The following SEC23B variants were observed in gnomAD, a reference collection of about 807,000 sequenced individuals.
SEC23B encodes SEC23 homolog B, COPII component.
SEC23B carries 77 observed loss-of-function variants against 104.3 expected under a neutral mutation model. That is an observed-to-expected ratio of 0.74 (90% CI 0.61 to 0.89). SEC23B has a LOEUF of 0.89. Ranked by LOEUF, SEC23B falls within the 40% of genes least tolerant of loss-of-function variation. The pLI is 0.00. For synonymous variants in SEC23B, 338 were observed against 332.5 expected, an observed-to-expected ratio of 1.02 and a Z score of -0.18; for missense variants, 885 against 949.4, an observed-to-expected ratio of 0.93 and a Z score of 0.89.
rs1312286399 is a variant in SEC23B at position 18,554,253 on chromosome 20, A to G, written c.2011A>G (p.Lys671Glu). The G allele has an allele frequency of 1.2e-6, 2 of 1,614,192 alleles. No homozygotes were observed. Among genetic ancestry groups the G allele is most frequent in the Admixed American group, 3.3e-5 (2 of 60,026 alleles). The change falls in exon 18 of 20, where the codon AAA becomes GAA. Residue 671 changes from lysine (K) to glutamate (E), a missense_variant. Physicochemically the swap from Lys to Glu is moderately conservative, Grantham distance 56. Transcript: ENST00000650089. ...YLGETIAQWRKAGYQDMPEYE... is the reference protein window; with the variant it reads ...YLGETIAQWREAGYQDMPEYE... Reference sequence around the variant, plus strand: ...TGTGTAGACCATAGCCCAGTGGCGTAAAGCTGGCTACCAGGACATGCCCGA... The same window carrying G: ...TGTGTAGACCATAGCCCAGTGGCGTGAAGCTGGCTACCAGGACATGCCCGA...
intron 12 of SEC23B, among the ~76,000 whole-genome samples, chr20:18,541,555 ATTG>A: frequency 1.3e-5 from 2 of 152,314 alleles, no homozygotes; most frequent in Admixed American, 1.3e-4. Context: ...TCATTTCAAT[ATTG>A]TTGTATCTCA....
intron 15 of SEC23B, among the ~76,000 whole-genome samples, chr20:18,547,294 A>C (rs1386187544): frequency 1.3e-5 from 2 of 152,122 alleles, no homozygotes; most frequent in Non-Finnish European, 2.9e-5. Context: ...GGATGGTAAG[A>C]GAACTTACCT....
intron 11 of SEC23B, among the ~76,000 whole-genome samples, chr20:18,534,705 G>C (rs554718934): frequency 2.7e-4 from 41 of 152,250 alleles, no homozygotes; most frequent in Non-Finnish European, 4.9e-4. Context: ...ATGCAAATCA[G>C]TTTATTTCTT....
chr20:18,510,839 G>T lies in SEC23B; in HGVS notation c.4G>T (p.Ala2Ser). 2.5e-6 allele frequency: 4 copies of T among 1,613,814 alleles called. No individual in the cohort carries two copies. Among genetic ancestry groups the T allele is most frequent in the Non-Finnish European group, 2.5e-6 (3 of 1,179,744 alleles). M[A>S]TYLEFIQQNE... ...ATCTTCAGTTCCCTTTTAGACTATGGCGACATACCTGGAGTTCATCCAGCA... is the reference window on the plus strand; with the variant it reads ...ATCTTCAGTTCCCTTTTAGACTATGTCGACATACCTGGAGTTCATCCAGCA... The change falls in exon 2 of 20, where the codon GCG becomes TCG. Residue 2 changes from alanine (A) to serine (S), a missense_variant. Ala to Ser is a moderately conservative substitution (Grantham distance 99). Coordinates refer to ENST00000650089, the MANE Select transcript of SEC23B (RefSeq NM_006363.6).
chr20:18,528,747 C>T (rs754721212), intron 9 of SEC23B, among the ~76,000 whole-genome samples: 2 of 152,222 alleles, frequency 1.3e-5, no homozygotes, highest in Admixed American at 6.5e-5. Context: ...CTACCACGGC[C>T]TTCCAGGAGT....
chr20:18,559,803 T>A (rs1347141899), intron 19 of SEC23B, among the ~76,000 whole-genome samples: 2 of 152,136 alleles, frequency 1.3e-5, no homozygotes, highest in African/African-American at 4.8e-5. Context: ...CCAAGGTCTT[T>A]AGTTTTTCTG....
chr20:18,533,431 A>G (rs1211873296), intron 11 of SEC23B, among the ~76,000 whole-genome samples: 2 of 152,180 alleles, frequency 1.3e-5, no homozygotes, highest in Non-Finnish European at 2.9e-5. Flanking sequence ...AGGGTAGACC[A>G]TAGAGCCAGA....
At chr20:18,523,783 C>T (rs2060108328) in intron 4 of SEC23B, among the ~76,000 whole-genome samples, 1 of 151,886 alleles carries the variant, frequency 6.6e-6, no homozygotes, top group African/African-American at 2.4e-5. Context: ...TAGCTTACTG[C>T]AGCCTCAAAT....
intron 19 of SEC23B, among the ~76,000 whole-genome samples, chr20:18,556,514 A>G (rs540085621): frequency 6.6e-6 from 1 of 152,204 alleles, no homozygotes; most frequent in African/African-American, 2.4e-5. Flanking sequence ...AGAAATTTCT[A>G]CTTAGACAAT....
intron 19 of SEC23B, 109 bp downstream of exon 19, chr20:18,555,282 G>C: frequency 1.1e-6 from 1 of 892,318 alleles, no homozygotes; most frequent in Non-Finnish European, 1.8e-6. Context: ...GAATAACTGC[G>C]TAAGTTGGGT....
In SEC23B at chr20:18,527,601, A is replaced by T; in HGVS notation, c.1099A>T (p.Asn367Tyr). The change falls in exon 9 of 20, where the codon AAT (asparagine) becomes TAT (tyrosine). Residue 367 changes from asparagine (N) to tyrosine (Y), a missense_variant. Physicochemically the swap from Asn to Tyr is moderately radical, Grantham distance 143. Transcript: ENST00000650089. ...TGLLEMKCCA[N>Y]LTGGYMVMGD... Reference sequence around the variant, plus strand: ...ACTTTTGGAGATGAAGTGTTGTGCAAATCTTACTGGGTATGTTGACAGTGA... The same window carrying T: ...ACTTTTGGAGATGAAGTGTTGTGCATATCTTACTGGGTATGTTGACAGTGA... 1 of 1,591,410 alleles carries T rather than the reference A, an allele frequency of 6.3e-7. No homozygotes were observed. Among genetic ancestry groups the T allele is most frequent in the Non-Finnish European group, 8.6e-7 (1 of 1,159,304 alleles).
intron 8 of SEC23B, 47 bp from the exon 9 acceptor site, chr20:18,527,449 G>T: frequency 9.7e-7 from 1 of 1,030,734 alleles, no homozygotes; most frequent in Non-Finnish European, 1.5e-6. Flanking sequence ...GGCATACCTT[G>T]GGAATAATGT....
rs953079477 is a variant in SEC23B, at chr20:18,526,491, T to C, written c.953T>C (p.Ile318Thr). The part of the protein sequence containing the change: ...LKIPIRSWHD[I>T]EKDNARFMKK... ...ATTCCTATTCGTTCTTGGCATGATA[T>C]TGAGAAAGATAATGCACGATTCATG... The change falls in exon 8 of 20, where the codon ATT becomes ACT. Residue 318 changes from isoleucine to threonine, a missense_variant. By Grantham distance (89) the Ile-to-Thr change is moderately conservative. Transcript: ENST00000650089. 4 of 1,614,150 alleles carry C rather than the reference T, an allele frequency of 2.5e-6. No individual in the cohort carries two copies. The highest frequency in any genetic ancestry group is 2.2e-5 in the East Asian group (1 of 44,880).
At position 18,548,594 on chromosome 20, in the gene SEC23B, TC is replaced by T. The variant is rs746825462; in HGVS notation, c.1744-14del. 5.8e-5 allele frequency: 93 copies of T among 1,612,770 alleles called. No homozygotes were observed. The South Asian group carries it at 7.0e-4, about 12-fold the overall frequency. On this transcript the variant is annotated splice_polypyrimidine_tract_variant and intron_variant, in intron 15 of 19. Transcript: ENST00000650089. Reference sequence around the variant, plus strand: ...CAATTATATGCATTTCTCTTTCCGTTCTTTGTGAATGCAGTTTATGTTCCAT... The same window carrying T: ...CAATTATATGCATTTCTCTTTCCGTTTTTGTGAATGCAGTTTATGTTCCAT...
In SEC23B at chr20:18,544,168, A is replaced by C. The variant is rs145946954; in HGVS notation, c.1665+996A>C. 2.4e-3 allele frequency among the ~76,000 whole-genome samples: 367 copies of C among 152,362 alleles called. 7 individuals carry two copies. The highest frequency in any genetic ancestry group is 0.02 in the Admixed American group (301 of 15,300). On this transcript the variant is annotated intron_variant, in intron 14 of 19. Transcript: ENST00000650089. ...ACAAGGCAATAAATCAATAATTGGC[A>C]CATGATAATCTTACCTTCCTGGAGA...
rs1271462556 is a variant in SEC23B at position 18,524,964 on chromosome 20, G to A, written c.633G>A (p.Met211Ile). ...TGTTGGGCCTGACCAAGCCAGCCAT[G>A]CCCATGCAGCAAGCACGACCTGCAC... is the stretch of plus-strand genomic sequence containing the variant. ...QDMLGLTKPA[M>I]PMQQARPAQP... The change falls in exon 6 of 20, where the codon ATG (methionine) becomes ATA (isoleucine). Residue 211 changes from methionine (M) to isoleucine (I), a missense_variant. Physicochemically the swap from Met to Ile is conservative, Grantham distance 10 (BLOSUM62 1). Coordinates refer to ENST00000650089, the MANE Select transcript of SEC23B (RefSeq NM_006363.6). 6.2e-7 allele frequency: 1 copy of A among 1,613,866 alleles called. No individual in the cohort carries two copies.
intron 9 of SEC23B, among the ~76,000 whole-genome samples, chr20:18,528,742 A>C (rs1314357592): frequency 2.0e-5 from 3 of 152,232 alleles, no homozygotes; most frequent in Non-Finnish European, 4.4e-5. Flanking sequence ...AATTCCTACC[A>C]CGGCCTTCCA....
In SEC23B at chr20:18,548,900, T is replaced by C. The variant is rs555048631; in HGVS notation, c.1905+130T>C. ...GAGTTTTTATAGTAATTTAACATTA[T>C]TTCTATTAAAAAATACCTTTAGGAA... On this transcript the variant is annotated intron_variant, in intron 16 of 19. Transcript: ENST00000650089. 1.8e-5 allele frequency: 16 copies of C among 866,314 alleles called. No homozygotes were observed. In the Admixed American group the frequency reaches 2.9e-4, roughly 16 times the overall value. 53.7% of individuals were successfully genotyped at this position (866,314 alleles called of 1,614,324 possible).
At chr20:18,555,824 G>A (rs1326331541) in intron 19 of SEC23B, among the ~76,000 whole-genome samples, 1 of 151,900 alleles carries the variant, frequency 6.6e-6, no homozygotes, top group Non-Finnish European at 1.5e-5. Context: ...GATTTTTAAG[G>A]TCAAGATGTG....
Sources: gnomAD v4.1 joint callset for allele counts (sites outside exome capture counted in the v4.1 genomes callset) on GRCh38, gnomAD v4.1.1 for gene constraint, MANE v1.5 for transcripts, NCBI Gene and HGNC (gene_info 2026-07-23, HGNC 2026-07-21) for gene names.